Variants in IRGM observed in about 807,000 individuals in gnomAD.
The protein encoded by IRGM is immunity-related GTPase family M protein.
For synonymous variants in IRGM, 98 were observed against 80.6 expected (o/e 1.22, Z -1.16); for missense variants, 288 against 219.9 (o/e 1.31, Z -1.96).
chr5:150,892,273 A>G (rs1448956657), intron 3 of IRGM, among the ~76,000 whole-genome samples: 2 of 151,068 alleles, frequency 1.3e-5, no homozygotes, highest in Non-Finnish European at 2.9e-5. Flanking sequence ...AGCATCATGT[A>G]TCATGAACCA....
chr5:150,864,305 C>T (rs78852617), intron 1 of IRGM, among the ~76,000 whole-genome samples: 1,733 of 152,200 alleles, frequency 0.011, 44 homozygotes, highest in African/African-American at 0.04. Context: ...CTATATTTCT[C>T]ATGATTCATT....
chr5:150,872,420 TA>T (rs1754298790), intron 1 of IRGM, among the ~76,000 whole-genome samples: 1 of 152,182 alleles, frequency 6.6e-6, no homozygotes, highest in African/African-American at 2.4e-5. Context: ...AGACAATGTT[TA>T]TTCTCCTCAG....
At chr5:150,873,659 C>T (rs768558784) in intron 1 of IRGM, among the ~76,000 whole-genome samples, 5 of 152,004 alleles carry the variant, frequency 3.3e-5, no homozygotes, top group Non-Finnish European at 5.9e-5. Flanking sequence ...CCAGTGGGTC[C>T]CTGGACTCAT....
At chr5:150,888,629 A>G (rs1386366975) in intron 3 of IRGM, among the ~76,000 whole-genome samples, 1 of 146,166 alleles carries the variant, frequency 6.8e-6, no homozygotes, top group Non-Finnish European at 1.5e-5. Context: ...ACAGAATAAT[A>G]AAAATAGGAG....
At chr5:150,895,590 A>C in intron 3 of IRGM, 1 of 1,613,432 alleles carries the variant, frequency 6.2e-7, no homozygotes, top group Non-Finnish European at 8.5e-7. Context: ...TTCAGCACAT[A>C]TGTAAGGTTT....
downstream of IRGM, among the ~76,000 whole-genome samples, chr5:150,901,463 T>C (rs1421454686): frequency 6.6e-6 from 1 of 152,066 alleles, no homozygotes. Flanking sequence ...AGTAACCACA[T>C]TTGGCTGATG....
intron 3 of IRGM, among the ~76,000 whole-genome samples, chr5:150,887,137 C>A (rs76458666): frequency 1.3e-5 from 2 of 151,768 alleles, no homozygotes; most frequent in African/African-American, 4.8e-5. Context: ...TGGACAGAAA[C>A]AAAGATCATG....
downstream of IRGM, among the ~76,000 whole-genome samples, chr5:150,901,831 G>A (rs534303840): frequency 1.3e-5 from 2 of 152,152 alleles, no homozygotes; most frequent in African/African-American, 4.8e-5. Flanking sequence ...AAATAGTAAA[G>A]GAGAATTCTA....
intron 1 of IRGM, among the ~76,000 whole-genome samples, chr5:150,863,155 G>A (rs1754160160): frequency 6.6e-6 from 1 of 152,186 alleles, no homozygotes; most frequent in Admixed American, 6.5e-5. Context: ...TTAGAAAACA[G>A]AATTTCATAT....
downstream of IRGM, among the ~76,000 whole-genome samples, chr5:150,902,122 T>C (rs1755014583): frequency 6.6e-6 from 1 of 152,174 alleles, no homozygotes; most frequent in South Asian, 2.1e-4. Flanking sequence ...AAGGTCTCTC[T>C]GTTTTAAATT....
chr5:150,846,548 C>T lies in IRGM; in HGVS notation c.-1088C>T, dbSNP rs1172989163. On this transcript the variant is annotated 5_prime_UTR_variant, in exon 1 of 2. Transcript: ENST00000522154. The stretch of plus-strand genomic sequence containing the variant: ...TAACCTGCTCAGGTCCCCTTCCATG[C>T]TGTGGAAGCTTTGTTTTTTTGCACT... 1 of 152,096 alleles carries T rather than the reference C, an allele frequency of 6.6e-6. No homozygotes were observed. The highest frequency in any genetic ancestry group is 1.5e-5 in the Non-Finnish European group (1 of 68,090). The allele number at this position is 152,096 out of a possible 1,614,324, so 9.4% of individuals were successfully genotyped here.
intron 3 of IRGM, among the ~76,000 whole-genome samples, chr5:150,889,457 A>C (rs867554018): frequency 2.0e-5 from 3 of 152,104 alleles, no homozygotes; most frequent in Admixed American, 6.6e-5. Context: ...TCCCTCCCAC[A>C]ACATGTGGGA....
At chr5:150,889,163 G>T (rs1217063843) in intron 3 of IRGM, among the ~76,000 whole-genome samples, 1 of 151,118 alleles carries the variant, frequency 6.6e-6, no homozygotes, top group Non-Finnish European at 1.5e-5. Flanking sequence ...TTACATACAT[G>T]ACCGTATTAG....
chr5:150,897,794 A>T (rs1300748725), intron 3 of IRGM: 2 of 405,832 alleles, frequency 4.9e-6, no homozygotes, highest in Non-Finnish European at 8.7e-6. Context: ...ATTGCCTTTT[A>T]AAGCACAGCT....
At chr5:150,867,068 C>T (rs947719930) in intron 1 of IRGM, among the ~76,000 whole-genome samples, 4 of 152,118 alleles carry the variant, frequency 2.6e-5, no homozygotes, top group Admixed American at 1.3e-4. Flanking sequence ...TGTTTGGTTA[C>T]ATGGATAAAT....
rs576805937 is a variant in IRGM, at chr5:150,878,179, T to G, written c.*78+65T>G. The G allele has an allele frequency of 5.4e-3, 2,029 of 378,334 alleles. 27 individuals carry two copies. Among genetic ancestry groups the G allele is most frequent in the African/African-American group, 0.025 (1,168 of 46,746 alleles). 23.4% of individuals were successfully genotyped at this position (378,334 alleles called of 1,614,324 possible). ...AGTTTGGAAATAGTAAACTTTTTTT[T>G]TTGTTGTTGTTGTTGTTAATGCTTC... On this transcript the variant is annotated intron_variant and NMD_transcript_variant, in intron 2 of 3. Transcript: ENST00000520549.
downstream of IRGM, among the ~76,000 whole-genome samples, chr5:150,852,159 A>G (rs1753986489): frequency 6.6e-6 from 1 of 152,160 alleles, no homozygotes; most frequent in South Asian, 2.1e-4. Flanking sequence ...TAATTTTCAT[A>G]AATCTGCTTT....
At chr5:150,898,224 C>T (rs368626773) in intron 3 of IRGM, 2 of 1,608,660 alleles carry the variant, frequency 1.2e-6, no homozygotes, top group East Asian at 2.2e-5. Flanking sequence ...ATTGACTGCA[C>T]TGAAGGAAAA....
At chr5:150,886,567 C>A (rs776460794) in intron 3 of IRGM, among the ~76,000 whole-genome samples, 9 of 151,886 alleles carry the variant, frequency 5.9e-5, no homozygotes, top group Non-Finnish European at 1.2e-4. Flanking sequence ...GTTACTGATT[C>A]AATTTCAGAG....
Sources: gnomAD v4.1 joint callset for allele counts (sites outside exome capture counted in the v4.1 genomes callset) on GRCh38, gnomAD v4.1.1 for gene constraint, MANE v1.5 for transcripts, NCBI Gene and HGNC (gene_info 2026-07-23, HGNC 2026-07-21) for gene names.